The following CFAP276 variants were observed in gnomAD, a reference collection of about 807,000 sequenced individuals.
CFAP276 encodes cilia and flagella associated protein 276.
chr1:109,113,628 C>G, the CFAP276 span: 2 of 1,613,732 alleles, frequency 1.2e-6, no homozygotes, highest in South Asian at 1.1e-5. Context: ...GGAGGGAACA[C>G]GTACTGGGGC....
the CFAP276 span, chr1:109,106,539 G>T: frequency 1.2e-6 from 2 of 1,613,712 alleles, no homozygotes; most frequent in South Asian, 1.1e-5. Context: ...CCTTACCTAT[G>T]GATCCTTGGA....
At chr1:109,113,510 C>A in the CFAP276 span, 1 of 1,020,556 alleles carries the variant, frequency 9.8e-7, no homozygotes, top group Non-Finnish European at 1.5e-6. Context: ...AAGGCAAACT[C>A]CTCGCTTAAA....
At chr1:109,113,444 GA>G in the CFAP276 span, among the ~76,000 whole-genome samples, 32 of 147,712 alleles carry the variant, frequency 2.2e-4, 4 homozygotes, top group African/African-American at 4.1e-4. Flanking sequence ...GAGAGAGAGA[GA>G]GAGAGAGAGA....
chr1:109,113,753 A>G, the CFAP276 span: 3 of 1,534,636 alleles, frequency 2.0e-6, no homozygotes, highest in Non-Finnish European at 2.7e-6. Flanking sequence ...CCGAAAGGGC[A>G]GTAGAAAACG....
the CFAP276 span, chr1:109,106,744 A>T: frequency 2.8e-6 from 4 of 1,426,736 alleles, no homozygotes; most frequent in Non-Finnish European, 3.8e-6. Flanking sequence ...ATGTGATCTC[A>T]AGAATAAAGC....
the CFAP276 span, among the ~76,000 whole-genome samples, chr1:109,110,820 T>C: frequency 6.6e-6 from 1 of 152,168 alleles, no homozygotes; most frequent in South Asian, 2.1e-4. Context: ...TCTACATAGT[T>C]GATGTTTCTC....
chr1:109,112,374 C>A, the CFAP276 span, among the ~76,000 whole-genome samples: 3 of 152,210 alleles, frequency 2.0e-5, no homozygotes, highest in Admixed American at 6.5e-5. Flanking sequence ...GCCAGAGCCC[C>A]TTGTTCCTCT....
At chr1:109,107,245 C>T in the CFAP276 span, 1 of 699,020 alleles carries the variant, frequency 1.4e-6, no homozygotes, top group Non-Finnish European at 2.5e-6. Context: ...TGAAATCCAC[C>T]AACTCCGTAC....
At chr1:109,113,814 GC>G in the CFAP276 span, 2 of 925,174 alleles carry the variant, frequency 2.2e-6, no homozygotes, top group Non-Finnish European at 3.2e-6. Context: ...CTTCACACGA[GC>G]CCCGGGCCTG....
the CFAP276 span, chr1:109,106,091 A>G: frequency 6.2e-7 from 1 of 1,611,966 alleles, no homozygotes. Context: ...CTGCAGTGTG[A>G]GGGGACACTG....
chr1:109,113,421 A>AGC, the CFAP276 span, among the ~76,000 whole-genome samples: 2 of 51,834 alleles, frequency 3.9e-5, no homozygotes, highest in South Asian at 2.1e-3. Flanking sequence ...AGAGAAAGAG[A>AGC]GAGAGAGAGA....
chr1:109,111,369 C>T, the CFAP276 span, among the ~76,000 whole-genome samples: 1 of 151,818 alleles, frequency 6.6e-6, no homozygotes, highest in Non-Finnish European at 1.5e-5. Context: ...ACTTGGGAGG[C>T]TGAGGTGGGA....
the CFAP276 span, chr1:109,113,555 A>T: frequency 2.0e-6 from 3 of 1,483,748 alleles, no homozygotes; most frequent in Non-Finnish European, 2.8e-6. Flanking sequence ...CTTCTCTTCT[A>T]GCCGGTTGTA....
chr1:109,107,036 T>G, the CFAP276 span: 1 of 1,614,218 alleles, frequency 6.2e-7, no homozygotes, highest in South Asian at 1.1e-5. Flanking sequence ...TTTTCTGGTT[T>G]AACAGTATCT....
chr1:109,106,951 T>C, the CFAP276 span: 4 of 1,360,860 alleles, frequency 2.9e-6, no homozygotes, highest in South Asian at 3.6e-5. Context: ...CATTTTACCT[T>C]ATATGACTGG....
chr1:109,106,830 T>C, the CFAP276 span: 1 of 911,360 alleles, frequency 1.1e-6, no homozygotes, highest in Non-Finnish European at 1.7e-6. Context: ...CTTGGGAGAT[T>C]TCTGTTCATC....
the CFAP276 span, chr1:109,112,859 A>G: frequency 9.7e-7 from 1 of 1,033,424 alleles, no homozygotes; most frequent in South Asian, 1.9e-5. Flanking sequence ...GCGGCTGACC[A>G]CGGGAGGCCC....
chr1:109,113,730 A>G, the CFAP276 span: 3 of 1,602,134 alleles, frequency 1.9e-6, no homozygotes, highest in South Asian at 1.1e-5. Context: ...ATGCTCATAA[A>G]ATAACCCCTG....
At chr1:109,113,790 G>T in the CFAP276 span, 1 of 1,220,796 alleles carries the variant, frequency 8.2e-7, no homozygotes, top group East Asian at 2.4e-5. Context: ...CTTGGAGGAT[G>T]CTTCCACTGT....
Sources: allele counts gnomAD v4.1 joint callset (sites outside exome capture counted in the v4.1 genomes callset), GRCh38; gene constraint gnomAD v4.1.1; transcripts MANE v1.5; gene names NCBI Gene and HGNC (gene_info 2026-07-23, HGNC 2026-07-21).